Variants in ATRNL1 observed in about 807,000 individuals in gnomAD.
ATRNL1 encodes attractin-like protein 1.
A neutral mutation model predicts 182.7 loss-of-function variants in ATRNL1; 95 were observed. The observed-to-expected ratio is 0.52, with a 90% CI of 0.44 to 0.62. The LOEUF is 0.62. Among genes scored for constraint, ATRNL1 ranks in the 20% least tolerant of loss-of-function variants. ATRNL1 has a pLI of 0.00. For synonymous variants in ATRNL1, 576 were observed against 568.3 expected, an observed-to-expected ratio of 1.01 and a Z score of -0.19; for missense variants, 1,471 against 1,679.5, an observed-to-expected ratio of 0.88 and a Z score of 2.17.
intron 28 of ATRNL1, among the ~76,000 whole-genome samples, chr10:115,854,703 G>T (rs781871977): frequency 1.3e-5 from 2 of 152,096 alleles, no homozygotes; most frequent in Non-Finnish European, 1.5e-5. Flanking sequence ...GTCTGTTTTT[G>T]TAAAGTCTGT....
chr10:115,756,131 T>A (rs2134132448), intron 27 of ATRNL1, among the ~76,000 whole-genome samples: 1 of 152,268 alleles, frequency 6.6e-6, no homozygotes, highest in Admixed American at 6.5e-5. Flanking sequence ...CTCGATTCAT[T>A]GATTTTTTTG....
chr10:115,899,685 G>A (rs1555113260), intron 28 of ATRNL1, among the ~76,000 whole-genome samples: 1 of 152,130 alleles, frequency 6.6e-6, no homozygotes, highest in Non-Finnish European at 1.5e-5. Context: ...AAAAAAGCCT[G>A]TTAGATATGC....
At chr10:115,226,841 T>A (rs1274701586) in intron 9 of ATRNL1, among the ~76,000 whole-genome samples, 7 of 152,148 alleles carry the variant, frequency 4.6e-5, no homozygotes, top group African/African-American at 7.2e-5. Flanking sequence ...GGACTCCCTA[T>A]TCAATAAATG....
At chr10:115,462,819 A>G (rs1295182108) in intron 22 of ATRNL1, among the ~76,000 whole-genome samples, 2 of 152,182 alleles carry the variant, frequency 1.3e-5, no homozygotes, top group Middle Eastern at 3.4e-3. Flanking sequence ...TATATGAAAG[A>G]TTCATTGTGA....
At chr10:115,353,378 G>T (rs1471781381) in intron 19 of ATRNL1, among the ~76,000 whole-genome samples, 2 of 152,020 alleles carry the variant, frequency 1.3e-5, no homozygotes, top group East Asian at 1.9e-4. Context: ...TCTGACATAG[G>T]TATAGCTATT....
intron 25 of ATRNL1, among the ~76,000 whole-genome samples, chr10:115,537,896 A>T (rs1451228376): frequency 6.6e-6 from 1 of 151,812 alleles, no homozygotes; most frequent in Non-Finnish European, 1.5e-5. Flanking sequence ...CTTTCTCCCC[A>T]CCCCTACACG....
intron 24 of ATRNL1, among the ~76,000 whole-genome samples, chr10:115,507,248 G>A (rs1850159691): frequency 6.6e-6 from 1 of 152,004 alleles, no homozygotes; most frequent in Non-Finnish European, 1.5e-5. Context: ...AATGAAATGG[G>A]AAGCAGGTTG....
intron 28 of ATRNL1, among the ~76,000 whole-genome samples, chr10:115,855,290 G>A (rs574838892): frequency 3.5e-4 from 53 of 152,264 alleles, no homozygotes; most frequent in Non-Finnish European, 5.4e-4. Context: ...GTGTTAGGCT[G>A]CTTATTTTCA....
chr10:115,540,782 G>A (rs1852313540), intron 25 of ATRNL1, among the ~76,000 whole-genome samples: 1 of 149,320 alleles, frequency 6.7e-6, no homozygotes, highest in Non-Finnish European at 1.5e-5. Context: ...AGGGGGGAGG[G>A]AACAGGGCTC....
intron 20 of ATRNL1, among the ~76,000 whole-genome samples, chr10:115,419,684 A>G (rs1177217861): frequency 6.6e-6 from 1 of 152,250 alleles, no homozygotes; most frequent in Non-Finnish European, 1.5e-5. Flanking sequence ...CAAGGCCATT[A>G]TATAATAATA....
intron 24 of ATRNL1, among the ~76,000 whole-genome samples, chr10:115,510,856 G>A (rs1403105474): frequency 6.6e-6 from 1 of 151,930 alleles, no homozygotes; most frequent in Non-Finnish European, 1.5e-5. Context: ...TTTAAGCAAG[G>A]GAATTAAGAA....
intron 20 of ATRNL1, among the ~76,000 whole-genome samples, chr10:115,407,985 CTTTTTTT>C (rs71010022): frequency 4.2e-4 from 41 of 97,792 alleles, no homozygotes; most frequent in Admixed American, 1.5e-3. Context: ...ATTTGCATTT[CTTTTTTT>C]TTTTTTTTTT....
chr10:115,297,161 G>A (rs75745207), intron 15 of ATRNL1, among the ~76,000 whole-genome samples: 1,946 of 152,156 alleles, frequency 0.013, 39 homozygotes, highest in African/African-American at 0.045. Flanking sequence ...CTAGCTTAAT[G>A]GCTAGAGGAT....
chr10:115,563,699 T>C (rs1479877486), intron 26 of ATRNL1, among the ~76,000 whole-genome samples: 1 of 152,190 alleles, frequency 6.6e-6, no homozygotes, highest in Non-Finnish European at 1.5e-5. Flanking sequence ...ATAGTTGTCT[T>C]AGTAACTATT....
At chr10:115,866,700 C>T (rs1364904708) in intron 28 of ATRNL1, among the ~76,000 whole-genome samples, 1 of 152,026 alleles carries the variant, frequency 6.6e-6, no homozygotes, top group African/African-American at 2.4e-5. Flanking sequence ...AAAAATGGCA[C>T]CAACATGAAA....
At chr10:115,618,462 G>A (rs1309100793) in intron 26 of ATRNL1, among the ~76,000 whole-genome samples, 1 of 151,656 alleles carries the variant, frequency 6.6e-6, no homozygotes, top group African/African-American at 2.4e-5. Flanking sequence ...TGCAAATATT[G>A]GAACTTATTT....
chr10:115,576,479 T>G (rs12253441), intron 26 of ATRNL1, among the ~76,000 whole-genome samples: 3,589 of 152,228 alleles, frequency 0.024, 145 homozygotes, highest in African/African-American at 0.082. Flanking sequence ...ATTTCCCTGA[T>G]GATTAGTGTT....
intron 26 of ATRNL1, among the ~76,000 whole-genome samples, chr10:115,717,446 T>A (rs1179862485): frequency 6.6e-6 from 1 of 152,128 alleles, no homozygotes; most frequent in African/African-American, 2.4e-5. Context: ...TTCACCATAT[T>A]GCTTATTAAG....
chr10:115,787,207 T>C (rs1445182057), intron 27 of ATRNL1, among the ~76,000 whole-genome samples: 1 of 152,190 alleles, frequency 6.6e-6, no homozygotes, highest in African/African-American at 2.4e-5. Context: ...TCAATAGTCT[T>C]GTACCTTGTT....
Sources: gnomAD v4.1 joint callset for allele counts (sites outside exome capture counted in the v4.1 genomes callset) on GRCh38, gnomAD v4.1.1 for gene constraint, MANE v1.5 for transcripts, NCBI Gene and HGNC (gene_info 2026-07-23, HGNC 2026-07-21) for gene names.